The following BCAT1 variants were observed in gnomAD, a reference collection of about 807,000 sequenced individuals.
The protein encoded by BCAT1 is branched chain amino acid transaminase 1.
BCAT1 carries 48 observed loss-of-function variants against 52.4 expected under a neutral mutation model. The observed-to-expected ratio is 0.92, with a 90% CI of 0.73 to 1.16. The LOEUF (loss-of-function observed/expected upper bound fraction) is 1.16. Among genes scored for constraint, BCAT1 ranks in the 50% most tolerant of loss-of-function variants. The probability of loss-of-function intolerance (pLI) is 0.00; values close to 1 mark genes in which losing one functional copy is unlikely to be tolerated. For synonymous variants in BCAT1, 167 were observed against 161.3 expected (o/e 1.04, Z -0.27); for missense variants, 451 against 457.1 (o/e 0.99, Z 0.12).
intron 1 of BCAT1, among the ~76,000 whole-genome samples, chr12:24,921,007 C>T (rs1050736008): frequency 2.0e-5 from 3 of 152,110 alleles, no homozygotes; most frequent in Non-Finnish European, 4.4e-5. Flanking sequence ...GGATGTGCCA[C>T]CCTCCCAGCA....
chr12:24,897,806 G>A (rs771015631), intron 2 of BCAT1, among the ~76,000 whole-genome samples: 1 of 152,052 alleles, frequency 6.6e-6, no homozygotes, highest in Non-Finnish European at 1.5e-5. Flanking sequence ...CACCCACCTC[G>A]GCCTCTGAAA....
chr12:24,855,326 G>GAA (rs144694993), intron 5 of BCAT1, among the ~76,000 whole-genome samples: 1 of 142,860 alleles, frequency 7.0e-6, no homozygotes, highest in African/African-American at 2.6e-5. Context: ...AAAAAAGAAA[G>GAA]AAAAAAAAAA....
chr12:24,940,286 T>C (rs1401650401), intron 1 of BCAT1, among the ~76,000 whole-genome samples: 1 of 152,186 alleles, frequency 6.6e-6, no homozygotes, highest in Non-Finnish European at 1.5e-5. Flanking sequence ...TACGTTAATA[T>C]GGTTAAAACA....
At chr12:24,902,222 T>C (rs1460887388) in intron 1 of BCAT1, 2 of 1,407,562 alleles carry the variant, frequency 1.4e-6, no homozygotes, top group African/African-American at 1.4e-5. Context: ...TCCGAGCAAA[T>C]AGTCTAGACT....
intron 1 of BCAT1, among the ~76,000 whole-genome samples, chr12:24,931,872 A>C (rs1356211258): frequency 6.6e-6 from 1 of 152,234 alleles, no homozygotes. Context: ...GAGAGGGTAA[A>C]AGATGCCAAG....
At chr12:24,928,379 C>A (rs1943625672) in intron 1 of BCAT1, among the ~76,000 whole-genome samples, 1 of 152,176 alleles carries the variant, frequency 6.6e-6, no homozygotes, top group Middle Eastern at 3.2e-3. Flanking sequence ...TAGCCCATGC[C>A]TGTAATCCAG....
intron 4 of BCAT1, among the ~76,000 whole-genome samples, chr12:24,879,756 A>G (rs1271375384): frequency 6.6e-6 from 1 of 152,230 alleles, no homozygotes; most frequent in Non-Finnish European, 1.5e-5. Flanking sequence ...GACTTCAGAC[A>G]AGTCATTTAA....
rs952864936 is a variant in BCAT1 at position 24,938,885 on chromosome 12, T to TATTC, written c.6+10038_6+10041dup. ...TTTGCTATTTATTTATTTATTTATTTATTCATTGAGATGGAGTCTCGCTCT... is the reference window on the plus strand; with the variant it reads ...TTTGCTATTTATTTATTTATTTATTTATTCATTCATTGAGATGGAGTCTCGCTCT... On this transcript the variant is annotated intron_variant, in intron 1 of 10. Transcript: ENST00000261192. 1.8e-4 allele frequency among the ~76,000 whole-genome samples: 28 copies of TATTC among 152,136 alleles called. No individual in the cohort carries two copies. The East Asian group carries it at 5.2e-3, about 28-fold the overall frequency.
chr12:24,846,778 C>T (rs941949474), intron 6 of BCAT1, among the ~76,000 whole-genome samples: 2 of 152,098 alleles, frequency 1.3e-5, no homozygotes, highest in Non-Finnish European at 2.9e-5. Flanking sequence ...AGAAATACTC[C>T]AAAATTTGAA....
At position 24,817,012 on chromosome 12, in the gene BCAT1, T is replaced by C. The variant is rs1939900315; in HGVS notation, c.*996A>G. On this transcript the variant is annotated 3_prime_UTR_variant, in exon 11 of 11. Transcript: ENST00000261192. The stretch of plus-strand genomic sequence containing the variant: ...TCACCTCTTCCTGCTGTGTGGCCCA[T>C]GGCCTGGGGGTTGGGGTCCCCTGCT... 1 of 164,196 alleles carries C rather than the reference T, an allele frequency of 6.1e-6. No individual in the cohort carries two copies. Among genetic ancestry groups the C allele is most frequent in the South Asian group, 2.0e-4 (1 of 4,938 alleles). The allele number at this position is 164,196 out of a possible 1,614,324, so 10.2% of individuals were successfully genotyped here. A position where few individuals can be genotyped will look rare whatever the true frequency, so the allele number is the denominator to read the frequency against.
Position 24,901,863 on chromosome 12 carries a change from G to A in BCAT1, c.29C>T (p.Ala10Val), listed in dbSNP as rs1198076958. Residue 10 changes from alanine (A) to valine (V), a missense_variant, in exon 2 of 11, where the codon GCA becomes GTA. Coordinates refer to ENST00000261192, the MANE Select transcript of BCAT1 (RefSeq NM_005504.7). The stretch of plus-strand genomic sequence containing the variant: ...TGATCCTCCTTCTCCGGTACACTCT[G>A]CGGAGCATCCGTTACTGCAATCCTT... Reference protein sequence around the residue: MKDCSNGCSAECTGEGGSKE... With the variant: MKDCSNGCSVECTGEGGSKE... 1 of 1,613,914 alleles carries A rather than the reference G, an allele frequency of 6.2e-7. No homozygotes were observed. The highest frequency in any genetic ancestry group is 1.3e-5 in the African/African-American group (1 of 74,938).
At chr12:24,879,827 ATCT>A (rs1399031815) in intron 4 of BCAT1, among the ~76,000 whole-genome samples, 3 of 152,218 alleles carry the variant, frequency 2.0e-5, no homozygotes, top group African/African-American at 2.4e-5. Context: ...ACAACAAATA[ATCT>A]TCTTAGCAAC....
At chr12:24,821,344 T>C (rs960631504) in intron 10 of BCAT1, among the ~76,000 whole-genome samples, 7 of 152,182 alleles carry the variant, frequency 4.6e-5, no homozygotes, top group African/African-American at 9.6e-5. Context: ...CAGATGTCCA[T>C]CTCTGGATCT....
chr12:24,914,457 G>A (rs918581869), intron 1 of BCAT1, among the ~76,000 whole-genome samples: 1 of 152,196 alleles, frequency 6.6e-6, no homozygotes, highest in Middle Eastern at 3.2e-3. Flanking sequence ...ACGGTTAACA[G>A]TTATATCTCA....
intron 1 of BCAT1, among the ~76,000 whole-genome samples, chr12:24,946,880 A>G (rs1591899530): frequency 6.6e-6 from 1 of 152,312 alleles, no homozygotes; most frequent in East Asian, 1.9e-4. Flanking sequence ...TGAGCTGAAA[A>G]GCAAGAGAAA....
intron 1 of BCAT1, among the ~76,000 whole-genome samples, chr12:24,906,224 G>A (rs745852164): frequency 1.3e-5 from 2 of 151,890 alleles, no homozygotes; most frequent in Non-Finnish European, 2.9e-5. Flanking sequence ...GATATAAGGT[G>A]GGACAAGGAT....
chr12:24,910,087 T>C (rs1459490481), intron 1 of BCAT1, among the ~76,000 whole-genome samples: 1 of 152,116 alleles, frequency 6.6e-6, no homozygotes, highest in Non-Finnish European at 1.5e-5. Flanking sequence ...AAATAAATTA[T>C]TGTTGGCCAT....
At chr12:24,823,383 A>AT (rs1397382158) in intron 10 of BCAT1, among the ~76,000 whole-genome samples, 1 of 151,804 alleles carries the variant, frequency 6.6e-6, no homozygotes, top group African/African-American at 2.4e-5. Flanking sequence ...CACCTTCTTC[A>AT]TTTTTTTGCC....
At chr12:24,923,485 G>C (rs1433569811) in intron 1 of BCAT1, among the ~76,000 whole-genome samples, 1 of 152,174 alleles carries the variant, frequency 6.6e-6, no homozygotes, top group East Asian at 1.9e-4. Context: ...CACAATCTCA[G>C]ATCACTGCAA....
Sources: gnomAD v4.1 joint callset for allele counts (sites outside exome capture counted in the v4.1 genomes callset) on GRCh38, gnomAD v4.1.1 for gene constraint, MANE v1.5 for transcripts, NCBI Gene and HGNC (gene_info 2026-07-23, HGNC 2026-07-21) for gene names.